ZNF385B: variants seen among roughly 807,000 people sequenced by gnomAD.
The protein encoded by ZNF385B is zinc finger protein 385B, also known as zinc finger protein 533.
Under a neutral mutation model 39.2 loss-of-function variants are expected in ZNF385B, and 23 were observed. That is an observed-to-expected ratio of 0.59 (90% CI 0.42 to 0.83). The LOEUF (loss-of-function observed/expected upper bound fraction) is 0.83. Ranked by LOEUF, ZNF385B falls within the 40% of genes least tolerant of loss-of-function variation. ZNF385B has a pLI of 0.00. For synonymous variants in ZNF385B, 205 were observed against 222.6 expected (o/e 0.92, Z 0.70); for missense variants, 552 against 598.9 (o/e 0.92, Z 0.82).
intron 5 of ZNF385B, among the ~76,000 whole-genome samples, chr2:179,514,879 A>G (rs2057976268): frequency 1.3e-5 from 2 of 151,842 alleles, no homozygotes; most frequent in South Asian, 4.2e-4. Flanking sequence ...CCTGGGTTCA[A>G]GCGATTCTCC....
At chr2:179,518,974 G>T (rs966060535) in intron 4 of ZNF385B, among the ~76,000 whole-genome samples, 1 of 152,120 alleles carries the variant, frequency 6.6e-6, no homozygotes, top group African/African-American at 2.4e-5. Context: ...AAAGGTCAAG[G>T]TTAAAATTAA....
chr2:179,767,318 G>T (rs547725560), intron 3 of ZNF385B, among the ~76,000 whole-genome samples: 2 of 152,228 alleles, frequency 1.3e-5, no homozygotes, highest in African/African-American at 4.8e-5. Flanking sequence ...TGTAAGGTAA[G>T]GTAAACCTCC....
At chr2:179,799,116 C>T (rs1224010808) in intron 1 of ZNF385B, among the ~76,000 whole-genome samples, 3 of 151,996 alleles carry the variant, frequency 2.0e-5, no homozygotes, top group African/African-American at 4.8e-5. Context: ...ATAGTTCCTG[C>T]ATTGTACAGC....
At chr2:179,487,757 GC>G (rs1292895179) in intron 5 of ZNF385B, among the ~76,000 whole-genome samples, 1 of 152,158 alleles carries the variant, frequency 6.6e-6, no homozygotes, top group Non-Finnish European at 1.5e-5. Flanking sequence ...GTGCTGCTGT[GC>G]CCCTAACTGG....
chr2:179,726,596 G>A (rs1471217621), intron 3 of ZNF385B, among the ~76,000 whole-genome samples: 1 of 151,918 alleles, frequency 6.6e-6, no homozygotes, highest in East Asian at 1.9e-4. Context: ...TAGTGGTGGC[G>A]GCCTAGTGTT....
chr2:179,444,855 G>A, intron 9 of ZNF385B, 21 bp downstream of exon 9: 1 of 1,597,034 alleles, frequency 6.3e-7, no homozygotes, highest in Non-Finnish European at 8.6e-7. Flanking sequence ...CAAAACAGGT[G>A]AGCAGGTGAG....
intron 3 of ZNF385B, among the ~76,000 whole-genome samples, chr2:179,550,895 T>G (rs2060518605): frequency 6.7e-6 from 1 of 150,190 alleles, no homozygotes; most frequent in African/African-American, 2.5e-5. Flanking sequence ...TGCATTGCAC[T>G]CTGAAAGAAA....
At chr2:179,760,258 A>G (rs910283649) in intron 3 of ZNF385B, among the ~76,000 whole-genome samples, 48 of 117,954 alleles carry the variant, frequency 4.1e-4, no homozygotes, top group African/African-American at 9.6e-4. Flanking sequence ...GTGTGTGTGT[A>G]TGACCTGTGT....
intron 3 of ZNF385B, among the ~76,000 whole-genome samples, chr2:179,649,204 A>G (rs1236453589): frequency 6.6e-6 from 1 of 152,222 alleles, no homozygotes; most frequent in African/African-American, 2.4e-5. Flanking sequence ...TTAAAAAACA[A>G]CAACACCACA....
Position 179,753,239 on chromosome 2 carries a change from G to T in ZNF385B, c.298+16264C>A, listed in dbSNP as rs1702792813. Among the ~76,000 whole-genome samples the T allele has an allele frequency of 9.2e-5, 14 of 152,276 alleles. 2 individuals carry two copies. In the South Asian group the frequency reaches 2.7e-3, roughly 29 times the overall value. ...TGTCAGGTTTGTCAAAGATCAGATA[G>T]TTGTAAATGTGTTGTATTATTTCTG... On this transcript the variant is annotated intron_variant, in intron 3 of 9. Transcript: ENST00000410066.
chr2:179,639,294 A>G (rs1177722339), intron 3 of ZNF385B, among the ~76,000 whole-genome samples: 1 of 151,668 alleles, frequency 6.6e-6, no homozygotes. Flanking sequence ...AAAATGGTCA[A>G]AGGGTATCAA....
chr2:179,492,077 A>G (rs543811307), intron 5 of ZNF385B, among the ~76,000 whole-genome samples: 67 of 152,292 alleles, frequency 4.4e-4, no homozygotes, highest in African/African-American at 1.6e-3. Flanking sequence ...ATTTTCCCAA[A>G]AGGATTTAAA....
At chr2:179,752,765 T>A (rs1702760476) in intron 3 of ZNF385B, among the ~76,000 whole-genome samples, 1 of 152,120 alleles carries the variant, frequency 6.6e-6, no homozygotes, top group Non-Finnish European at 1.5e-5. Context: ...CTTCACCCAC[T>A]TTGTGATGGG....
At chr2:179,556,321 G>T (rs1017060795) in intron 3 of ZNF385B, among the ~76,000 whole-genome samples, 1 of 149,628 alleles carries the variant, frequency 6.7e-6, no homozygotes, top group Non-Finnish European at 1.5e-5. Flanking sequence ...GAGAATTTAA[G>T]AATTTAAATA....
intron 4 of ZNF385B, among the ~76,000 whole-genome samples, chr2:179,538,141 T>A (rs770298439): frequency 1.1e-4 from 17 of 151,852 alleles, no homozygotes; most frequent in Non-Finnish European, 2.2e-4. Context: ...TCAAGCAGAG[T>A]CAGTTGGACA....
intron 1 of ZNF385B, among the ~76,000 whole-genome samples, chr2:179,804,314 A>C (rs933059838): frequency 1.3e-5 from 2 of 152,162 alleles, no homozygotes; most frequent in African/African-American, 4.8e-5. Context: ...GGACTCAAAG[A>C]CTCAAGTGCT....
intron 3 of ZNF385B, among the ~76,000 whole-genome samples, chr2:179,653,392 T>C (rs371141552): frequency 1.1e-4 from 16 of 152,174 alleles, no homozygotes; most frequent in South Asian, 2.1e-4. Context: ...CAGCTCTTGT[T>C]GAGTAGTTTC....
chr2:179,443,530 G>A, intron 9 of ZNF385B, 62 bp from the exon 10 acceptor site: 1 of 1,291,414 alleles, frequency 7.7e-7, no homozygotes, highest in Non-Finnish European at 1.1e-6. Context: ...CAGCACCACA[G>A]GCATCTTTTC....
chr2:179,850,518 T>C (rs1282089915), intron 1 of ZNF385B, among the ~76,000 whole-genome samples: 1 of 152,174 alleles, frequency 6.6e-6, no homozygotes, highest in Non-Finnish European at 1.5e-5. Context: ...TGAATCTACT[T>C]CCTTGTCCAC....
Sources: gnomAD v4.1 joint callset for allele counts (sites outside exome capture counted in the v4.1 genomes callset) on GRCh38, gnomAD v4.1.1 for gene constraint, MANE v1.5 for transcripts, NCBI Gene and HGNC (gene_info 2026-07-23, HGNC 2026-07-21) for gene names.